Variants in SQLE observed in about 807,000 individuals in gnomAD.
SQLE encodes squalene epoxidase.
SQLE carries 29 observed loss-of-function variants against 60.7 expected under a neutral mutation model. The observed-to-expected ratio is 0.48, with a 90% confidence interval of 0.36 to 0.65. The LOEUF is 0.65. Among genes scored for constraint, SQLE ranks in the 30% least tolerant of loss-of-function variants. The pLI, the probability that SQLE is intolerant of heterozygous loss-of-function variation, is 0.00. For missense variants in SQLE, 605 were observed against 684.1 expected, an observed-to-expected ratio of 0.88 and a Z score of 1.29; for synonymous variants, 237 against 246.8, an observed-to-expected ratio of 0.96 and a Z score of 0.37.
At chr8:125,015,569 A>C (rs77645689) in intron 7 of SQLE, among the ~76,000 whole-genome samples, 1 of 152,166 alleles carries the variant, frequency 6.6e-6, no homozygotes, top group Non-Finnish European at 1.5e-5. Flanking sequence ...TGAAATTACC[A>C]GGAAGCTTGC....
Position 124,999,651 on chromosome 8 carries a change from C to T in SQLE, c.248C>T (p.Ser83Phe), listed in dbSNP as rs1444058034. 7.5e-6 allele frequency: 12 copies of T among 1,602,402 alleles called. No individual in the cohort carries two copies. The highest frequency in any genetic ancestry group is 6.7e-5 in the African/African-American group (5 of 74,330). ...TTCATTGGCTTCTTCTGGGCCAAAT[C>T]CCCCCCTGAATCAGAAAATAAGGAG... is the stretch of plus-strand genomic sequence containing the variant. ...LPFIGFFWAK[S>F]PPESENKEQL... The change falls in exon 1 of 11, where the codon TCC becomes TTC. Residue 83 changes from serine (S) to phenylalanine (F), a missense_variant. By Grantham distance (155) the Ser-to-Phe change is radical. Coordinates refer to ENST00000265896, the MANE Select transcript of SQLE (RefSeq NM_003129.4).
At chr8:125,007,611 G>A in intron 4 of SQLE, 124 bp downstream of exon 4, 3 of 554,626 alleles carry the variant, frequency 5.4e-6, no homozygotes, top group Non-Finnish European at 9.2e-6. Context: ...AAATGCTAGG[G>A]ATCAGAAGTG....
In SQLE at chr8:125,022,195, G is replaced by A; in HGVS notation, c.*250G>A. 3.8e-6 allele frequency: 1 copy of A among 265,064 alleles called. No individual in the cohort carries two copies. 16.4% of individuals were successfully genotyped at this position (265,064 alleles called of 1,614,324 possible). ...AAGAAATGATTGTTACCATAAATTA[G>A]TGCTAATGCTGAGGAGAACTACAGT... On this transcript the variant is annotated 3_prime_UTR_variant, in exon 11 of 11. Transcript: ENST00000265896.
At chr8:125,003,648 A>G (rs1814900398) in intron 2 of SQLE, among the ~76,000 whole-genome samples, 1 of 152,194 alleles carries the variant, frequency 6.6e-6, no homozygotes, top group Non-Finnish European at 1.5e-5. Flanking sequence ...ATATAATAAA[A>G]TGGCCAAAAG....
chr8:125,003,114 C>T (rs527439054), intron 1 of SQLE, 62 bp from the exon 2 acceptor site: 32 of 1,481,254 alleles, frequency 2.2e-5, no homozygotes, highest in Admixed American at 1.2e-4. Context: ...GTCCACATAG[C>T]GGTAGCATGA....
At chr8:125,003,046 T>A (rs1814882796) in intron 1 of SQLE, 130 bp from the exon 2 acceptor site, 5 of 716,654 alleles carry the variant, frequency 7.0e-6, no homozygotes, top group Non-Finnish European at 1.0e-5. Flanking sequence ...TGTAACAATT[T>A]GTTTGGTTTG....
At chr8:125,003,459 C>T (rs760209889) in intron 2 of SQLE, 31 bp downstream of exon 2, 13 of 1,609,282 alleles carry the variant, frequency 8.1e-6, no homozygotes, top group East Asian at 2.2e-5. Context: ...AGGAGAGTTA[C>T]GTGGTATGAA....
At position 124,998,594 on chromosome 8, in the gene SQLE, C is replaced by G. The variant is rs1236004904; in HGVS notation, c.-810C>G. 2 of 685,446 alleles carry G rather than the reference C, an allele frequency of 2.9e-6. No individual in the cohort carries two copies. Among genetic ancestry groups the G allele is most frequent in the Admixed American group, 4.1e-5 (2 of 48,396 alleles). The allele number at this position is 685,446 out of a possible 1,614,324, so 42.5% of individuals were successfully genotyped here. ...CCGCGCTGGCGAGAGCCGCCGCCCG[C>G]GAGGGATGCTGGTGAGGAAGCCGTC... On this transcript the variant is annotated 5_prime_UTR_variant, in exon 1 of 11. Coordinates refer to ENST00000265896, the MANE Select transcript of SQLE (RefSeq NM_003129.4).
intron 1 of SQLE, 125 bp from the exon 2 acceptor site, chr8:125,003,051 G>C: frequency 1.3e-6 from 1 of 744,490 alleles, no homozygotes; most frequent in Non-Finnish European, 1.9e-6. Flanking sequence ...CAATTTGTTT[G>C]GTTTGATAAT....
chr8:125,006,848 GCA>G (rs1814958638), intron 3 of SQLE, among the ~76,000 whole-genome samples: 4 of 151,644 alleles, frequency 2.6e-5, no homozygotes, highest in Admixed American at 2.6e-4. Flanking sequence ...GGGATTACAG[GCA>G]CATGCCACCA....
At chr8:125,017,837 T>C in intron 7 of SQLE, 1 of 541,550 alleles carries the variant, frequency 1.8e-6, no homozygotes, top group Non-Finnish European at 3.2e-6. Flanking sequence ...ACTCTTGTTA[T>C]TACCATATCC....
chr8:124,999,432 T>C lies in SQLE; in HGVS notation c.29T>C (p.Phe10Ser). 6.6e-6 allele frequency: 10 copies of C among 1,523,450 alleles called. No homozygotes were observed. Among genetic ancestry groups the C allele is most frequent in the Non-Finnish European group, 8.8e-6 (10 of 1,134,884 alleles). 94.4% of individuals were successfully genotyped at this position (1,523,450 alleles called of 1,614,324 possible). Residue 10 changes from phenylalanine to serine, a missense_variant, in exon 1 of 11, where the codon TTC becomes TCC. Coordinates refer to ENST00000265896, the MANE Select transcript of SQLE (RefSeq NM_003129.4). MWTFLGIAT[F>S]TYFYKKFGDF... ...TGGACTTTTCTGGGCATTGCCACTTTCACCTATTTTTATAAGAAGTTCGGG... is the reference window on the plus strand; with the variant it reads ...TGGACTTTTCTGGGCATTGCCACTTCCACCTATTTTTATAAGAAGTTCGGG...
chr8:125,007,985 G>A (rs1180701239), intron 4 of SQLE, among the ~76,000 whole-genome samples: 1 of 152,202 alleles, frequency 6.6e-6, no homozygotes, highest in Non-Finnish European at 1.5e-5. Flanking sequence ...AAGAAGGCAA[G>A]ATTCAACATA....
Position 125,008,990 on chromosome 8 carries a change from C to G in SQLE, c.842C>G (p.Thr281Ser), listed in dbSNP as rs1408725042. 1 of 1,588,850 alleles carries G rather than the reference C, an allele frequency of 6.3e-7. No individual in the cohort carries two copies. Among genetic ancestry groups the G allele is most frequent in the African/African-American group, 1.4e-5 (1 of 73,612 alleles). ...GDIKELHAPL[T>S]VVADGLFSKF... is the part of the protein sequence containing the mutation. ...TTATAGGAACTCCATGCTCCACTGA[C>G]TGTTGTTGCAGATGGGCTTTTCTCC... Residue 281 changes from threonine (T) to serine (S), a missense_variant, in exon 5 of 11, where the codon ACT becomes AGT. By Grantham distance (58) the Thr-to-Ser change is moderately conservative. Transcript: ENST00000265896.
chr8:125,006,338 C>T (rs1013432665), intron 3 of SQLE, among the ~76,000 whole-genome samples: 10 of 152,014 alleles, frequency 6.6e-5, no homozygotes, highest in Admixed American at 3.9e-4. Flanking sequence ...ATGGAAAAAT[C>T]GGCCAGGTGC....
At chr8:125,000,939 T>A (rs1279947534) in intron 1 of SQLE, among the ~76,000 whole-genome samples, 1 of 152,194 alleles carries the variant, frequency 6.6e-6, no homozygotes, top group African/African-American at 2.4e-5. Context: ...TCTGTGAGAA[T>A]CTGTTACCTC....
rs1387137666 is a variant in SQLE, at chr8:125,009,038, C to G, written c.890C>G (p.Ser297Cys). ...LFSKFRKSLV[S>C]NKVSVSSHFV... ...TCCAAGTTCAGGAAAAGCCTGGTCT[C>G]CAATAAAGTTTCTGTATCATCTCAT... Residue 297 changes from serine (S) to cysteine (C), a missense_variant, in exon 5 of 11, where the codon TCC becomes TGC. Coordinates refer to ENST00000265896, the MANE Select transcript of SQLE (RefSeq NM_003129.4). The G allele has an allele frequency of 6.2e-7, 1 of 1,603,624 alleles. No homozygotes were observed.
At chr8:125,017,319 C>A (rs945608652) in intron 7 of SQLE, among the ~76,000 whole-genome samples, 1 of 151,912 alleles carries the variant, frequency 6.6e-6, no homozygotes, top group East Asian at 1.9e-4. Flanking sequence ...TGAGCTGGCA[C>A]CCAAACCTTA....
intron 6 of SQLE, among the ~76,000 whole-genome samples, chr8:125,010,405 A>G (rs1227609603): frequency 6.6e-6 from 1 of 152,240 alleles, no homozygotes; most frequent in Non-Finnish European, 1.5e-5. Flanking sequence ...AAAAAATTTA[A>G]GAATTTTGAT....
Sources: gnomAD v4.1 joint callset for allele counts (sites outside exome capture counted in the v4.1 genomes callset) on GRCh38, gnomAD v4.1.1 for gene constraint, MANE v1.5 for transcripts, NCBI Gene and HGNC (gene_info 2026-07-23, HGNC 2026-07-21) for gene names.